Variants in CCSER2 observed in about 807,000 individuals in gnomAD.
CCSER2 encodes the protein serine-rich coiled-coil domain-containing protein 2.
In CCSER2, 46 loss-of-function variants were observed where a neutral mutation model predicts 92.3. That is an observed-to-expected ratio of 0.50 (90% CI 0.39 to 0.64). The LOEUF is 0.64. Among genes scored for constraint, CCSER2 ranks in the 30% least tolerant of loss-of-function variants. The pLI, the probability that CCSER2 is intolerant of heterozygous loss-of-function variation, is 0.00. For synonymous variants in CCSER2, 433 were observed against 431.4 expected (o/e 1.00, Z -0.04); for missense variants, 1,244 against 1,238.9 (o/e 1.00, Z -0.06).
At chr10:84,502,822 G>A (rs528680106) in intron 9 of CCSER2, among the ~76,000 whole-genome samples, 27 of 152,274 alleles carry the variant, frequency 1.8e-4, no homozygotes, top group Non-Finnish European at 2.9e-4. Flanking sequence ...TATGAAGATA[G>A]TCCGTTCTAA....
At chr10:84,395,727 CATG>C (rs1841790361) in intron 3 of CCSER2, among the ~76,000 whole-genome samples, 1 of 152,138 alleles carries the variant, frequency 6.6e-6, no homozygotes, top group Admixed American at 6.6e-5. Flanking sequence ...GAGAAAATAG[CATG>C]ATAACATTAG....
At chr10:84,385,984 C>G (rs1460187299) in intron 3 of CCSER2, among the ~76,000 whole-genome samples, 2 of 151,984 alleles carry the variant, frequency 1.3e-5, no homozygotes, top group African/African-American at 4.8e-5. Context: ...AAAAAAAACT[C>G]AACATCAGTA....
intron 1 of CCSER2, among the ~76,000 whole-genome samples, chr10:84,358,021 C>T (rs1054458564): frequency 1.3e-5 from 2 of 152,170 alleles, no homozygotes; most frequent in South Asian, 4.1e-4. Context: ...TGGAATTTAG[C>T]CATCTAGACA....
At chr10:84,449,873 C>T (rs916232871) in intron 6 of CCSER2, among the ~76,000 whole-genome samples, 2 of 152,076 alleles carry the variant, frequency 1.3e-5, no homozygotes, top group African/African-American at 4.8e-5. Context: ...AAACAAAAAA[C>T]ACATTAAATT....
chr10:84,332,596 G>A (rs1048192488), intron 1 of CCSER2, among the ~76,000 whole-genome samples: 24 of 150,680 alleles, frequency 1.6e-4, no homozygotes, highest in African/African-American at 4.6e-4. Context: ...GCGCCACCAC[G>A]CCTGCCTAAT....
rs538022185 is a variant in CCSER2, at chr10:84,417,581, G to A, written c.1615-190G>A. 4.6e-5 allele frequency among the ~76,000 whole-genome samples: 7 copies of A among 152,260 alleles called. No homozygotes were observed. The East Asian group carries it at 1.4e-3, about 29-fold the overall frequency. On this transcript the variant is annotated intron_variant, in intron 3 of 9. Coordinates refer to ENST00000372088, the MANE Select transcript of CCSER2 (RefSeq NM_001284240.2). ...AGACTAGGAGGAAGACTAGGAGAAGGATGTTAGAAATAGCTTAATTAAACT... is the reference window on the plus strand; with the variant it reads ...AGACTAGGAGGAAGACTAGGAGAAGAATGTTAGAAATAGCTTAATTAAACT...
intron 9 of CCSER2, chr10:84,499,933 G>C (rs779512549): frequency 6.2e-7 from 1 of 1,613,788 alleles, no homozygotes; most frequent in East Asian, 2.2e-5. Context: ...GGGATCCCAC[G>C]GACTGTTCCA....
At chr10:84,436,155 G>A (rs917541809) in intron 5 of CCSER2, among the ~76,000 whole-genome samples, 2 of 144,984 alleles carry the variant, frequency 1.4e-5, no homozygotes, top group Admixed American at 6.9e-5. Context: ...TGAAACCCCC[G>A]TCTCTACTAA....
intron 3 of CCSER2, among the ~76,000 whole-genome samples, chr10:84,394,278 T>C (rs920617500): frequency 2.0e-5 from 3 of 152,164 alleles, no homozygotes; most frequent in Admixed American, 1.3e-4. Context: ...TGTCCTTAAT[T>C]AGTTCAAAAT....
intron 1 of CCSER2, among the ~76,000 whole-genome samples, chr10:84,358,847 T>C (rs1489592945): frequency 6.6e-6 from 1 of 152,180 alleles, no homozygotes; most frequent in Non-Finnish European, 1.5e-5. Context: ...TAAATTCTTT[T>C]TGTAAATAAT....
At chr10:84,486,284 G>A (rs1387808037) in intron 9 of CCSER2, among the ~76,000 whole-genome samples, 3 of 152,184 alleles carry the variant, frequency 2.0e-5, no homozygotes, top group East Asian at 3.9e-4. Context: ...GGGTCAAATG[G>A]TATTTCTAGT....
At chr10:84,457,299 A>AT (rs1845740889) in intron 6 of CCSER2, among the ~76,000 whole-genome samples, 1 of 61,848 alleles carries the variant, frequency 1.6e-5, no homozygotes, top group Non-Finnish European at 2.8e-5. Flanking sequence ...TATATTATAT[A>AT]TAATATGTTA....
chr10:84,514,016 T>C lies in CCSER2; in HGVS notation c.2893T>C (p.Ser965Pro). The change falls in exon 10 of 10, where the codon TCT (serine) becomes CCT (proline). Residue 965 changes from serine (S) to proline (P), a missense_variant. Transcript: ENST00000372088. ...TAATTCAGCAAAACTTCAGCCAACA[T>C]CTAGTCAAACAAATCTTGCAAATAA... is the stretch of plus-strand genomic sequence containing the variant. Reference protein sequence around the residue: ...TCNSAKLQPTSSQTNLANNQN... With the variant: ...TCNSAKLQPTPSQTNLANNQN... The C allele has an allele frequency of 6.5e-7, 1 of 1,536,556 alleles. No homozygotes were observed. Among genetic ancestry groups the C allele is most frequent in the Non-Finnish European group, 8.7e-7 (1 of 1,146,944 alleles).
chr10:84,407,348 A>G (rs1842430033), intron 3 of CCSER2, among the ~76,000 whole-genome samples: 2 of 151,506 alleles, frequency 1.3e-5, no homozygotes, highest in African/African-American at 2.4e-5. Flanking sequence ...TTTTGCTTCC[A>G]TCATTTGTTT....
At chr10:84,390,888 A>T in intron 3 of CCSER2, 2 of 691,752 alleles carry the variant, frequency 2.9e-6, no homozygotes, top group Non-Finnish European at 5.4e-6. Flanking sequence ...AGACCTTAAC[A>T]TGTATCTGGT....
chr10:84,437,150 C>CAG (rs71013323), intron 5 of CCSER2, among the ~76,000 whole-genome samples: 82 of 77,208 alleles, frequency 1.1e-3, no homozygotes, highest in Middle Eastern at 9.3e-3. Flanking sequence ...CACACACACA[C>CAG]AGAGAGAGAG....
At chr10:84,465,343 T>A (rs1252773949) in intron 7 of CCSER2, among the ~76,000 whole-genome samples, 2 of 120,504 alleles carry the variant, frequency 1.7e-5, no homozygotes, top group East Asian at 2.4e-4. Context: ...TTTTTTTTTT[T>A]AGACGGAGCC....
intron 1 of CCSER2, among the ~76,000 whole-genome samples, chr10:84,349,308 CTT>C (rs1442950146): frequency 1.3e-5 from 2 of 152,204 alleles, no homozygotes; most frequent in Non-Finnish European, 2.9e-5. Context: ...TTTGGTTTCT[CTT>C]TTAACTTTAT....
chr10:84,389,988 A>G (rs1841435889), intron 3 of CCSER2, among the ~76,000 whole-genome samples: 1 of 152,146 alleles, frequency 6.6e-6, no homozygotes, highest in Non-Finnish European at 1.5e-5. Context: ...TTTCAGAGCC[A>G]AGTTTTGGGG....
Sources: allele counts gnomAD v4.1 joint callset (sites outside exome capture counted in the v4.1 genomes callset), GRCh38; gene constraint gnomAD v4.1.1; transcripts MANE v1.5; gene names NCBI Gene and HGNC (gene_info 2026-07-23, HGNC 2026-07-21).